The following CELF2 variants were observed in gnomAD, a reference collection of about 807,000 sequenced individuals.
The protein encoded by CELF2 is CUG triplet repeat RNA-binding protein 2.
CELF2 carries 8 observed loss-of-function variants against 62.6 expected under a neutral mutation model. That is an observed-to-expected ratio of 0.13 (90% confidence interval 0.07 to 0.23). The LOEUF is 0.23. Ranked by LOEUF, CELF2 falls within the 10% of genes least tolerant of loss-of-function variation. CELF2 has a pLI of 1.00. For missense variants in CELF2, 333 were observed against 671.0 expected (o/e 0.50, Z 5.56); for synonymous variants, 258 against 250.0 (o/e 1.03, Z -0.30).
At chr10:10,733,262 G>A in the CELF2 span, among the ~76,000 whole-genome samples, 1 of 152,134 alleles carries the variant, frequency 6.6e-6, no homozygotes, top group Admixed American at 6.5e-5. Context: ...ATTCTTGTTT[G>A]AATCACATGG....
the CELF2 span, among the ~76,000 whole-genome samples, chr10:10,764,307 T>C: frequency 6.6e-6 from 1 of 152,242 alleles, no homozygotes; most frequent in East Asian, 1.9e-4. Flanking sequence ...CAAAAAAACA[T>C]ACTTTCTGCA....
In CELF2 at chr10:11,328,161, T is replaced by C. The variant is rs922450356; in HGVS notation, c.1439-765T>C. ...GAATTCTCTTCAGATGATTAAGTTC[T>C]AAGCCGTTGACTATGTATCCCCCAG... is the stretch of plus-strand genomic sequence containing the variant. On this transcript the variant is annotated intron_variant, in intron 12 of 12. Coordinates refer to ENST00000633077, the MANE Select transcript of CELF2 (RefSeq NM_001326342.2). This position sits in a 1 kb window ranked among gnomAD's most constrained non-coding sequence, Gnocchi z 6.4. 6.6e-6 allele frequency among the ~76,000 whole-genome samples: 1 copy of C among 152,236 alleles called. No individual in the cohort carries two copies. Among genetic ancestry groups the C allele is most frequent in the Non-Finnish European group, 1.5e-5 (1 of 68,046 alleles).
At chr10:11,236,425 C>T (rs974287402) in intron 3 of CELF2, among the ~76,000 whole-genome samples, 1 of 152,108 alleles carries the variant, frequency 6.6e-6, no homozygotes, top group Non-Finnish European at 1.5e-5. Flanking sequence ...GGATGCCTTG[C>T]GTTGTGCAGG....
At chr10:10,893,581 G>A (rs1394832256) in intron 1 of CELF2, among the ~76,000 whole-genome samples, 6 of 152,158 alleles carry the variant, frequency 3.9e-5, no homozygotes, top group African/African-American at 1.4e-4. Context: ...AGATACCTGA[G>A]ACGGGGTAAT....
At chr10:10,709,270 A>G in the CELF2 span, among the ~76,000 whole-genome samples, 1 of 152,346 alleles carries the variant, frequency 6.6e-6, no homozygotes, top group South Asian at 2.1e-4. Flanking sequence ...TAAAGACTGT[A>G]ATTAACATTC....
chr10:11,130,917 T>C (rs1043391870), intron 1 of CELF2, among the ~76,000 whole-genome samples: 76 of 152,334 alleles, frequency 5.0e-4, no homozygotes, highest in African/African-American at 1.7e-3. Flanking sequence ...GTTAGAGATA[T>C]GAGAATCCCC....
At chr10:11,137,923 A>T (rs1007792049) in intron 1 of CELF2, among the ~76,000 whole-genome samples, 1 of 152,244 alleles carries the variant, frequency 6.6e-6, no homozygotes, top group Non-Finnish European at 1.5e-5. Flanking sequence ...TACGTTGTTT[A>T]GTCATTCATA....
At position 11,053,539 on chromosome 10, in the gene CELF2, T is replaced by C. The variant is rs544688222; in HGVS notation, c.74+35376T>C. ...ATTTTTTGCATCAACAAATTTGTTA[T>C]TCTTGTTCCAAGAAACACACATTTT... On this transcript the variant is annotated intron_variant, in intron 1 of 12. Coordinates refer to ENST00000633077, the MANE Select transcript of CELF2 (RefSeq NM_001326342.2). Among the ~76,000 whole-genome samples, 123 of 152,102 alleles carry C rather than the reference T, an allele frequency of 8.1e-4. 2 individuals carry two copies. The highest frequency in any genetic ancestry group is 1.5e-3 in the Non-Finnish European group (101 of 67,944).
At chr10:10,616,284 G>A in the CELF2 span, among the ~76,000 whole-genome samples, 4 of 149,502 alleles carry the variant, frequency 2.7e-5, no homozygotes, top group East Asian at 7.8e-4. Context: ...ACTCTCAAAG[G>A]TTTTGTTTGG....
intron 1 of CELF2, among the ~76,000 whole-genome samples, chr10:10,838,537 C>A (rs1241346315): frequency 6.6e-6 from 1 of 152,056 alleles, no homozygotes; most frequent in Admixed American, 6.6e-5. Flanking sequence ...CTCTCGTTTC[C>A]CATTTATTTA....
chr10:11,275,420 TATAA>T (rs1565701885), intron 8 of CELF2, among the ~76,000 whole-genome samples: 1 of 152,226 alleles, frequency 6.6e-6, no homozygotes, highest in Non-Finnish European at 1.5e-5. Context: ...TTGTTGTTTT[TATAA>T]ATAAGATTGA....
chr10:11,254,105 C>T (rs992207778), intron 4 of CELF2, among the ~76,000 whole-genome samples: 2 of 152,194 alleles, frequency 1.3e-5, no homozygotes, highest in African/African-American at 4.8e-5. Context: ...GTTAAGTGAA[C>T]TCAAAATAAC....
At chr10:10,856,511 ATTC>A (rs956165838) in intron 1 of CELF2, among the ~76,000 whole-genome samples, 1 of 152,192 alleles carries the variant, frequency 6.6e-6, no homozygotes, top group African/African-American at 2.4e-5. Context: ...GCTTTATCAT[ATTC>A]TTCTGCTTAC....
the CELF2 span, among the ~76,000 whole-genome samples, chr10:10,781,869 G>A: frequency 3.4e-3 from 514 of 151,852 alleles, 1 homozygote; most frequent in African/African-American, 0.012. Context: ...CTACAACTGT[G>A]GATTCAACCA....
rs753943705 is a variant in CELF2, at chr10:11,102,937, A to G, written c.75-62549A>G. 1.2e-4 allele frequency among the ~76,000 whole-genome samples: 18 copies of G among 152,238 alleles called. No individual in the cohort carries two copies. The South Asian group carries it at 1.2e-3, about 11-fold the overall frequency. ...TGGACAGACCACTTCTCCCTTGCAC[A>G]GTTGGAACAACCTCTTCAGCCACCT... On this transcript the variant is annotated intron_variant, in intron 1 of 12. Transcript: ENST00000633077.
chr10:11,165,172 C>T lies in CELF2; in HGVS notation c.75-314C>T, dbSNP rs2066681910. ...TGATGGCAGCCTTGCAGAGCTAGAC[C>T]TGCACTTAACTTGCAGCTGCCTCCC... On this transcript the variant is annotated intron_variant, in intron 1 of 12. Coordinates refer to ENST00000633077, the MANE Select transcript of CELF2 (RefSeq NM_001326342.2). This position sits in a 1 kb window ranked among gnomAD's most constrained non-coding sequence, Gnocchi z 7.4. 8.3e-7 allele frequency: 1 copy of T among 1,200,828 alleles called. No individual in the cohort carries two copies. The highest frequency in any genetic ancestry group is 1.0e-6 in the Non-Finnish European group (1 of 959,496). The allele number at this position is 1,200,828 out of a possible 1,614,324, so 74.4% of individuals were successfully genotyped here. A position where few individuals can be genotyped will look rare whatever the true frequency, so the allele number is the denominator to read the frequency against.
chr10:11,284,413 C>CTGTGGTGGGTGGATGATGGATGAG (rs2090372477), intron 8 of CELF2, among the ~76,000 whole-genome samples: 1 of 34,636 alleles, frequency 2.9e-5, no homozygotes, highest in African/African-American at 1.2e-4. Flanking sequence ...TGATGGATGA[C>CTGTGGTGGGTGGATGATGGATGAG]TGTGTGGTAG....
At chr10:10,748,630 C>A in the CELF2 span, among the ~76,000 whole-genome samples, 1 of 151,506 alleles carries the variant, frequency 6.6e-6, no homozygotes. Flanking sequence ...CACCTGTAGT[C>A]CCAGCTGCTC....
At chr10:10,969,890 A>G (rs1165570385) in intron 2 of CELF2, among the ~76,000 whole-genome samples, 1 of 152,130 alleles carries the variant, frequency 6.6e-6, no homozygotes, top group Admixed American at 6.5e-5. Flanking sequence ...TAGTTTACCA[A>G]TGTACTACCT....
Sources: allele counts gnomAD v4.1 joint callset (sites outside exome capture counted in the v4.1 genomes callset), GRCh38; gene constraint gnomAD v4.1.1; non-coding constraint Gnocchi (gnomAD v3.1); transcripts MANE v1.5; gene names NCBI Gene and HGNC (gene_info 2026-07-23, HGNC 2026-07-21).